Variants in CDKL3 observed in about 807,000 individuals in gnomAD.
CDKL3 encodes the protein cyclin-dependent kinase-like 3.
CDKL3 carries 65 observed loss-of-function variants against 69.3 expected under a neutral mutation model. The observed-to-expected ratio is 0.94, with a 90% CI of 0.77 to 1.15. The LOEUF is 1.15. CDKL3 is among the 50% of genes most tolerant of loss of function. CDKL3 has a pLI of 0.00. For missense variants in CDKL3, 652 were observed against 689.2 expected (o/e 0.95, Z 0.61); for synonymous variants, 202 against 221.6 (o/e 0.91, Z 0.79).
chr5:134,371,398 A>C (rs1001495651), upstream of CDKL3: 10 of 719,610 alleles, frequency 1.4e-5, no homozygotes, highest in South Asian at 1.8e-4. Context: ...CAGCACTCAC[A>C]CTGTGGTAGC....
Position 134,298,605 on chromosome 5 carries a change from AAG to A in CDKL3, c.*44_*45del, listed in dbSNP as rs747327858. ...TTCTATTGTAGATAAATAAAACGGG[AAG>A]AGTTGTCATCTTGTATTTTTTGGAC... On this transcript the variant is annotated 3_prime_UTR_variant, in exon 13 of 13. Transcript: ENST00000265334. The A allele has an allele frequency of 2.8e-5, 44 of 1,597,590 alleles. No individual in the cohort carries two copies. The highest frequency in any genetic ancestry group is 2.2e-4 in the East Asian group (10 of 44,742).
chr5:134,302,396 C>A (rs1450880087), intron 12 of CDKL3, among the ~76,000 whole-genome samples, 194 bp downstream of exon 12: 2 of 152,120 alleles, frequency 1.3e-5, no homozygotes, highest in Non-Finnish European at 2.9e-5. Flanking sequence ...TTCAACATTA[C>A]CCACCAAAAA....
chr5:134,343,559 G>A (rs1288421100), intron 4 of CDKL3, among the ~76,000 whole-genome samples: 2 of 152,160 alleles, frequency 1.3e-5, no homozygotes, highest in Non-Finnish European at 2.9e-5. Flanking sequence ...TATGGTTTAG[G>A]AGTCATGTAG....
At chr5:134,307,852 C>T (rs1768296288) in intron 9 of CDKL3, 2 of 309,502 alleles carry the variant, frequency 6.5e-6, no homozygotes, top group South Asian at 1.8e-4. Flanking sequence ...GACATACCAA[C>T]TTTTTTTCTC....
intron 4 of CDKL3, among the ~76,000 whole-genome samples, chr5:134,349,185 T>C (rs1475720304): frequency 6.6e-6 from 1 of 152,182 alleles, no homozygotes; most frequent in Non-Finnish European, 1.5e-5. Context: ...GAACAGTTTC[T>C]GGCAGAAAGT....
chr5:134,303,775 G>A (rs1168344859), intron 11 of CDKL3, among the ~76,000 whole-genome samples: 1 of 151,948 alleles, frequency 6.6e-6, no homozygotes, highest in African/African-American at 2.4e-5. Context: ...CTTGAACCTG[G>A]GAGGTGGTGG....
At chr5:134,306,200 T>G (rs551286369) in intron 10 of CDKL3, among the ~76,000 whole-genome samples, 1 of 152,272 alleles carries the variant, frequency 6.6e-6, no homozygotes, top group South Asian at 2.1e-4. Flanking sequence ...AGCACATTTT[T>G]AGAAGTGTTA....
chr5:134,297,887 A>C, downstream of CDKL3, among the ~76,000 whole-genome samples: 1 of 121,364 alleles, frequency 8.2e-6, no homozygotes, highest in Non-Finnish European at 1.7e-5. Context: ...AACCATGAAT[A>C]GTTTGTGTGT....
chr5:134,358,587 T>C (rs1297359140), intron 3 of CDKL3, among the ~76,000 whole-genome samples: 1 of 151,868 alleles, frequency 6.6e-6, no homozygotes, highest in Non-Finnish European at 1.5e-5. Flanking sequence ...CCAAACCAGC[T>C]TGCTATATTT....
intron 4 of CDKL3, among the ~76,000 whole-genome samples, chr5:134,348,925 G>C (rs944112061): frequency 1.3e-5 from 2 of 152,196 alleles, no homozygotes; most frequent in African/African-American, 4.8e-5. Context: ...TTGAGGTACA[G>C]AGACAGTCTG....
In CDKL3 at chr5:134,330,220, C is replaced by T. The variant is rs114903011; in HGVS notation, c.540-8317G>A. ...ATTGTTAACTGAAGAAAAATGGGTG[C>T]CCTTTATAGATTTTTTAAGATTAGG... On this transcript the variant is annotated intron_variant, in intron 4 of 12. Transcript: ENST00000265334. Among the ~76,000 whole-genome samples the T allele has an allele frequency of 4.6e-3, 698 of 151,794 alleles. 4 individuals carry two copies. The highest frequency in any genetic ancestry group is 0.016 in the African/African-American group (668 of 41,342).
intron 6 of CDKL3, among the ~76,000 whole-genome samples, chr5:134,314,993 A>G (rs978048001): frequency 2.0e-5 from 3 of 152,278 alleles, no homozygotes; most frequent in Middle Eastern, 6.8e-3. Context: ...CTGCCCACAA[A>G]TTATACCTCA....
chr5:134,327,096 TCAC>T (rs1255605460), intron 4 of CDKL3, among the ~76,000 whole-genome samples: 1 of 151,874 alleles, frequency 6.6e-6, no homozygotes, highest in Admixed American at 6.6e-5. Flanking sequence ...GAGTGGAACT[TCAC>T]CATTTCTCAT....
chr5:134,339,137 G>T (rs1283330076), intron 4 of CDKL3, among the ~76,000 whole-genome samples: 2 of 151,962 alleles, frequency 1.3e-5, no homozygotes, highest in African/African-American at 2.4e-5. Flanking sequence ...ACTCCAGCCT[G>T]GGTGACAGAG....
intron 4 of CDKL3, among the ~76,000 whole-genome samples, chr5:134,325,762 T>G (rs1773990504): frequency 6.6e-6 from 1 of 151,664 alleles, no homozygotes; most frequent in African/African-American, 2.4e-5. Context: ...TTATTATTAT[T>G]ATTTATTATT....
rs779991771 is a variant in CDKL3, at chr5:134,306,629, C to T, written c.1438G>A (p.Glu480Lys). Residue 480 changes from glutamate to lysine, a missense_variant, in exon 10 of 13, where the codon GAG (glutamate) becomes AAG (lysine). Coordinates refer to ENST00000265334, the MANE Select transcript of CDKL3 (RefSeq NM_001113575.2). ...CTTACTTGAATAGGACCTGGATCCTCTTGCCTGCTATTAGGCATAACTTGT... is the reference window on the plus strand; with the variant it reads ...CTTACTTGAATAGGACCTGGATCCTTTTGCCTGCTATTAGGCATAACTTGT... ...IGQVMPNSRQ[E>K]DPGPIQSQME... The T allele has an allele frequency of 1.9e-6, 3 of 1,596,572 alleles. No homozygotes were observed. The highest frequency in any genetic ancestry group is 2.6e-6 in the Non-Finnish European group (3 of 1,173,078).
chr5:134,311,983 C>T (rs1769657232), intron 7 of CDKL3, among the ~76,000 whole-genome samples: 1 of 151,884 alleles, frequency 6.6e-6, no homozygotes, highest in Non-Finnish European at 1.5e-5. Flanking sequence ...TTTGTAGAGA[C>T]AGGGGTCTCT....
chr5:134,356,549 A>G (rs1398298040), intron 3 of CDKL3, among the ~76,000 whole-genome samples: 1 of 152,122 alleles, frequency 6.6e-6, no homozygotes, highest in Non-Finnish European at 1.5e-5. Flanking sequence ...CAAGGCAGGT[A>G]GATCAGTTGA....
At chr5:134,358,233 G>A (rs1755093195) in intron 3 of CDKL3, among the ~76,000 whole-genome samples, 1 of 152,124 alleles carries the variant, frequency 6.6e-6, no homozygotes, top group African/African-American at 2.4e-5. Flanking sequence ...GTTGTTCCCT[G>A]TAACCTGACT....
Sources: allele counts gnomAD v4.1 joint callset (sites outside exome capture counted in the v4.1 genomes callset), GRCh38; gene constraint gnomAD v4.1.1; transcripts MANE v1.5; gene names NCBI Gene and HGNC (gene_info 2026-07-23, HGNC 2026-07-21).